Variants in LIPA observed in about 807,000 individuals in gnomAD.
The protein encoded by LIPA is lipase A, lysosomal acid type.
LIPA carries 26 observed loss-of-function variants against 40.6 expected under a neutral mutation model. That is an observed-to-expected ratio of 0.64 (90% CI 0.47 to 0.89). The LOEUF is 0.89. Ranked by LOEUF, LIPA falls within the 40% of genes least tolerant of loss-of-function variation. The probability of loss-of-function intolerance (pLI) is 0.00; values close to 1 mark genes in which losing one functional copy is unlikely to be tolerated. For synonymous variants in LIPA, 188 were observed against 168.4 expected, an observed-to-expected ratio of 1.12 and a Z score of -0.90; for missense variants, 455 against 479.6, an observed-to-expected ratio of 0.95 and a Z score of 0.48.
chr10:89,250,640 G>A (rs1472822805), intron 1 of LIPA, among the ~76,000 whole-genome samples: 5 of 152,262 alleles, frequency 3.3e-5, no homozygotes, highest in African/African-American at 7.2e-5. Context: ...GCATCTGCAG[G>A]AGCTGCTTTC....
chr10:89,402,920 C>G (rs303210), intron 2 of LIPA: 7 of 1,614,028 alleles, frequency 4.3e-6, no homozygotes, highest in Admixed American at 3.3e-5. Flanking sequence ...TAAATCCAGA[C>G]AATGGATATA....
chr10:89,303,591 A>C (rs1385053096), intron 1 of LIPA, among the ~76,000 whole-genome samples: 1 of 152,198 alleles, frequency 6.6e-6, no homozygotes, highest in Non-Finnish European at 1.5e-5. Flanking sequence ...TCAAGCAGTG[A>C]AGTTGGATGC....
At chr10:89,392,564 C>CCTA (rs1554880550) in intron 2 of LIPA, 16 of 723,438 alleles carry the variant, frequency 2.2e-5, no homozygotes, top group East Asian at 2.2e-4. Flanking sequence ...ACACCCACAG[C>CCTA]TTACACCATT....
In LIPA at chr10:89,413,128, A is replaced by C. The variant is rs568609373; in HGVS notation, c.-71-206T>G. Among the ~76,000 whole-genome samples, 9 of 152,316 alleles carry C rather than the reference A, an allele frequency of 5.9e-5. No individual in the cohort carries two copies. In the South Asian group the frequency reaches 1.4e-3, roughly 25 times the overall value. On this transcript the variant is annotated intron_variant, in intron 1 of 8. Transcript: ENST00000371837. ...AGTGTTTGGTTTCTGTTCCTGCATTAGTTTGCTGAGGATAATCACTGGAAA... is the reference window on the plus strand; with the variant it reads ...AGTGTTTGGTTTCTGTTCCTGCATTCGTTTGCTGAGGATAATCACTGGAAA...
chr10:89,305,440 C>T (rs1464854869), intron 1 of LIPA, among the ~76,000 whole-genome samples: 4 of 152,032 alleles, frequency 2.6e-5, no homozygotes, highest in African/African-American at 9.6e-5. Flanking sequence ...TGAAGGAGAA[C>T]TAAGGAATTA....
chr10:89,253,340 A>C (rs1338057691), upstream of LIPA, among the ~76,000 whole-genome samples: 1 of 152,236 alleles, frequency 6.6e-6, no homozygotes, highest in Non-Finnish European at 1.5e-5. Context: ...TCATGGCAGA[A>C]GGCAAAAGGC....
chr10:89,403,595 G>T, intron 2 of LIPA: 1 of 1,614,088 alleles, frequency 6.2e-7, no homozygotes, highest in Non-Finnish European at 8.5e-7. Context: ...TGGAAAGCTT[G>T]AGCCTCCTTG....
chr10:89,222,402 A>G, intron 8 of LIPA, 109 bp downstream of exon 8: 1 of 780,016 alleles, frequency 1.3e-6, no homozygotes, highest in Non-Finnish European at 2.3e-6. Flanking sequence ...GAAGAAAACC[A>G]GATCAGATTT....
chr10:89,354,602 G>A (rs140230225), intron 2 of LIPA, among the ~76,000 whole-genome samples: 1 of 152,232 alleles, frequency 6.6e-6, no homozygotes, highest in East Asian at 1.9e-4. Context: ...GAGGCTGACT[G>A]TGTCGCCCAA....
chr10:89,362,699 T>C, intron 2 of LIPA: 1 of 677,164 alleles, frequency 1.5e-6, no homozygotes, highest in Non-Finnish European at 2.4e-6. Flanking sequence ...TTGCAAATGC[T>C]TCCCGCTATA....
upstream of LIPA, among the ~76,000 whole-genome samples, chr10:89,345,786 G>T (rs1440727636): frequency 6.6e-6 from 1 of 152,168 alleles, no homozygotes; most frequent in Admixed American, 6.5e-5. Flanking sequence ...AAAATCAACA[G>T]AGATATTCAG....
intron 2 of LIPA, among the ~76,000 whole-genome samples, chr10:89,396,339 A>C (rs1393026698): frequency 6.6e-6 from 1 of 152,232 alleles, no homozygotes; most frequent in Non-Finnish European, 1.5e-5. Context: ...AGGTTTATTT[A>C]GCTCACAGTT....
intron 3 of LIPA, among the ~76,000 whole-genome samples, chr10:89,241,017 T>C (rs995421392): frequency 1.3e-5 from 2 of 152,110 alleles, no homozygotes; most frequent in African/African-American, 4.8e-5. Context: ...ATTGTCTTAA[T>C]TGCGATGGAG....
intron 1 of LIPA, among the ~76,000 whole-genome samples, chr10:89,266,460 A>G (rs908709978): frequency 2.0e-5 from 3 of 152,252 alleles, no homozygotes; most frequent in Non-Finnish European, 4.4e-5. Context: ...TATGCACAAA[A>G]TGATCTAAAA....
chr10:89,286,402 CCTT>C (rs59389681), intron 1 of LIPA, among the ~76,000 whole-genome samples: 30 of 152,282 alleles, frequency 2.0e-4, no homozygotes, highest in African/African-American at 7.2e-4. Flanking sequence ...ACCCTATAAT[CCTT>C]CTATCACCTC....
intron 8 of LIPA, among the ~76,000 whole-genome samples, chr10:89,220,715 T>C (rs1177926648): frequency 6.6e-6 from 1 of 152,164 alleles, no homozygotes; most frequent in African/African-American, 2.4e-5. Context: ...CTCTTCCTAG[T>C]TCCTTAGAGA....
At chr10:89,413,631 G>C (rs539579102) in intron 1 of LIPA, among the ~76,000 whole-genome samples, 1 of 152,196 alleles carries the variant, frequency 6.6e-6, no homozygotes, top group Admixed American at 6.5e-5. Context: ...GCCCGACATA[G>C]TGGTGCACGC....
chr10:89,340,227 G>A lies in LIPA; in HGVS notation c.-2+2384C>T, dbSNP rs548856750. 4.9e-5 allele frequency: 63 copies of A among 1,274,212 alleles called. No individual in the cohort carries two copies. In the African/African-American group the frequency reaches 9.1e-4, roughly 18 times the overall value. The allele number at this position is 1,274,212 out of a possible 1,614,324, so 78.9% of individuals were successfully genotyped here. On this transcript the variant is annotated intron_variant, in intron 1 of 5. Coordinates refer to the LIPA transcript ENST00000282673. ...GGCCCCAACCTGGGATTGCTGAGCA[G>A]GGAAGCTTTGCATGTTGCTCTAAGG...
At chr10:89,277,792 A>G (rs899280005) in intron 1 of LIPA, 2 of 152,224 alleles carry the variant, frequency 1.3e-5, no homozygotes, top group Admixed American at 1.3e-4. Flanking sequence ...CCAAGAAAAC[A>G]AAGTACTACT....
Sources: allele counts gnomAD v4.1 joint callset (sites outside exome capture counted in the v4.1 genomes callset), GRCh38; gene constraint gnomAD v4.1.1; transcripts MANE v1.5; gene names NCBI Gene and HGNC (gene_info 2026-07-23, HGNC 2026-07-21).